Variants in FRS2 observed in about 807,000 individuals in gnomAD.
The protein encoded by FRS2 is fibroblast growth factor receptor substrate 2.
A neutral mutation model predicts 43.9 loss-of-function variants in FRS2; 8 were observed. That is an observed-to-expected ratio of 0.18 (90% CI 0.11 to 0.33). The LOEUF (loss-of-function observed/expected upper bound fraction) is 0.33, where lower values mean the gene tolerates loss of function less well. Ranked by LOEUF, FRS2 falls within the 10% of genes least tolerant of loss-of-function variation. The pLI, the probability that FRS2 is intolerant of heterozygous loss-of-function variation, is 1.00. For missense variants in FRS2, 534 were observed against 627.6 expected (o/e 0.85, Z 1.59); for synonymous variants, 219 against 220.3 (o/e 0.99, Z 0.05).
At chr12:69,558,472 T>C (rs1879618769) in intron 3 of FRS2, among the ~76,000 whole-genome samples, 1 of 152,168 alleles carries the variant, frequency 6.6e-6, no homozygotes, top group Non-Finnish European at 1.5e-5. Context: ...TATCTCCTAA[T>C]ATTTTCCCAT....
chr12:69,557,223 T>G (rs1879431666), intron 3 of FRS2, among the ~76,000 whole-genome samples: 1 of 152,254 alleles, frequency 6.6e-6, no homozygotes, highest in South Asian at 2.1e-4. Flanking sequence ...TGACCCTTTA[T>G]TAATTTGACA....
chr12:69,489,650 CAG>C (rs1256532100), intron 1 of FRS2, among the ~76,000 whole-genome samples: 1 of 133,520 alleles, frequency 7.5e-6, no homozygotes, highest in African/African-American at 2.8e-5. Context: ...AGCCTGGGGA[CAG>C]AGCAAGACTC....
chr12:69,473,999 C>T (rs776922355), intron 1 of FRS2, among the ~76,000 whole-genome samples: 16 of 152,096 alleles, frequency 1.1e-4, no homozygotes, highest in Non-Finnish European at 1.9e-4. Flanking sequence ...CTCACCACCA[C>T]GCCCAGCTAA....
At chr12:69,488,427 T>TA in intron 1 of FRS2, among the ~76,000 whole-genome samples, 1 of 152,220 alleles carries the variant, frequency 6.6e-6, no homozygotes, top group East Asian at 1.9e-4. Context: ...TAAAGTATTT[T>TA]AAAATTAAGG....
intron 1 of FRS2, among the ~76,000 whole-genome samples, chr12:69,494,642 T>TC (rs1428783038): frequency 6.6e-6 from 1 of 152,136 alleles, no homozygotes; most frequent in Non-Finnish European, 1.5e-5. Flanking sequence ...CCAGAGTGAG[T>TC]CAAGGAGGCA....
chr12:69,489,607 T>C (rs1872272671), intron 1 of FRS2, among the ~76,000 whole-genome samples: 2 of 151,376 alleles, frequency 1.3e-5, no homozygotes, highest in African/African-American at 4.9e-5. Flanking sequence ...GAGGCGGAAA[T>C]TGCAGTGAGC....
chr12:69,536,201 T>C (rs1182717943), intron 3 of FRS2, among the ~76,000 whole-genome samples: 1 of 134,370 alleles, frequency 7.4e-6, no homozygotes, highest in Non-Finnish European at 1.6e-5. Context: ...CTCAGCTCAC[T>C]GCAACCTCCA....
At chr12:69,536,511 A>G (rs539753992) in intron 3 of FRS2, among the ~76,000 whole-genome samples, 2 of 150,184 alleles carry the variant, frequency 1.3e-5, no homozygotes, top group South Asian at 4.2e-4. Flanking sequence ...CTGAATGACA[A>G]TCTTTATTTT....
In FRS2 at chr12:69,579,443, AG is replaced by A. The variant is rs1881411973; in HGVS notation, c.*4489del. On this transcript the variant is annotated 3_prime_UTR_variant, in exon 9 of 9. Coordinates refer to ENST00000549921, the MANE Select transcript of FRS2 (RefSeq NM_001278356.2). ...TTTATTAACTGGAGTACTTAGAATA[AG>A]CTAGTAATTGAATTTAGTTCAAGGG... 1.3e-5 allele frequency: 2 copies of A among 152,622 alleles called. No individual in the cohort carries two copies. The highest frequency in any genetic ancestry group is 4.1e-4 in the South Asian group (2 of 4,832). The allele number at this position is 152,622 out of a possible 1,614,324, so 9.5% of individuals were successfully genotyped here. A position where few individuals can be genotyped will look rare whatever the true frequency, so the allele number is the denominator to read the frequency against.
intron 1 of FRS2, among the ~76,000 whole-genome samples, chr12:69,471,433 ATTTTT>A (rs1870283789): frequency 6.6e-6 from 1 of 152,206 alleles, no homozygotes; most frequent in African/African-American, 2.4e-5. Flanking sequence ...TGGAACTGTC[ATTTTT>A]CTTAAGGAAA....
intron 1 of FRS2, among the ~76,000 whole-genome samples, chr12:69,482,686 A>G (rs886898538): frequency 7.9e-5 from 12 of 152,380 alleles, no homozygotes; most frequent in African/African-American, 2.9e-4. Context: ...GTAAGAAAAT[A>G]TCATTTATAT....
chr12:69,475,685 C>T (rs912332506), intron 1 of FRS2, among the ~76,000 whole-genome samples: 1 of 152,078 alleles, frequency 6.6e-6, no homozygotes. Context: ...CTTCTCTAAG[C>T]TTACATTTCC....
intron 8 of FRS2, among the ~76,000 whole-genome samples, chr12:69,572,839 T>C (rs1880876584): frequency 6.6e-6 from 1 of 152,202 alleles, no homozygotes; most frequent in East Asian, 1.9e-4. Flanking sequence ...TGTTATATTA[T>C]TTACTGTAAT....
chr12:69,572,099 C>A lies in FRS2; in HGVS notation c.413-19C>A. The A allele has an allele frequency of 2.5e-6, 4 of 1,608,118 alleles. No individual in the cohort carries two copies. The highest frequency in any genetic ancestry group is 3.4e-6 in the Non-Finnish European group (4 of 1,175,424). On this transcript the variant is annotated intron_variant, in intron 7 of 8. Transcript: ENST00000549921. The stretch of plus-strand genomic sequence containing the variant: ...CTGCCCCGCCCCCCTTTTCCTTAAA[C>A]CAATAAACAAAAACTCAGCTCCAGG...
intron 1 of FRS2, among the ~76,000 whole-genome samples, chr12:69,473,367 A>G (rs1315479590): frequency 6.6e-6 from 1 of 152,248 alleles, no homozygotes; most frequent in African/African-American, 2.4e-5. Context: ...GTTACAGAGA[A>G]TAAGACTTTT....
At chr12:69,516,403 A>G (rs1346841816) in intron 1 of FRS2, among the ~76,000 whole-genome samples, 1 of 151,834 alleles carries the variant, frequency 6.6e-6, no homozygotes, top group African/African-American at 2.4e-5. Flanking sequence ...TTTTTAGTAG[A>G]GACGGGGTTT....
At chr12:69,516,938 G>A (rs1364112707) in intron 1 of FRS2, among the ~76,000 whole-genome samples, 1 of 152,138 alleles carries the variant, frequency 6.6e-6, no homozygotes, top group East Asian at 1.9e-4. Flanking sequence ...TATAGACTTA[G>A]GATCCCTAAT....
chr12:69,563,940 G>C (rs1012180536), intron 4 of FRS2, among the ~76,000 whole-genome samples: 4 of 151,910 alleles, frequency 2.6e-5, no homozygotes, highest in Non-Finnish European at 4.4e-5. Context: ...CCATCAATTA[G>C]CCCTTCTCTT....
intron 3 of FRS2, chr12:69,538,009 A>T (rs1468766640): frequency 6.6e-6 from 1 of 152,378 alleles, no homozygotes; most frequent in Non-Finnish European, 1.5e-5. Context: ...ATTCATTTGT[A>T]CTTTGTGGAT....
Sources: allele counts gnomAD v4.1 joint callset (sites outside exome capture counted in the v4.1 genomes callset), GRCh38; gene constraint gnomAD v4.1.1; transcripts MANE v1.5; gene names NCBI Gene and HGNC (gene_info 2026-07-23, HGNC 2026-07-21).